The following ASCC1 variants were observed in gnomAD, a reference collection of about 807,000 sequenced individuals.
ASCC1 encodes the protein activating signal cointegrator 1 complex subunit 1.
In ASCC1, 35 loss-of-function variants were observed where a neutral mutation model predicts 46.6. The ratio of observed to expected loss-of-function variants is 0.75; its 90% CI spans 0.57 to 0.99. The LOEUF is 0.99. ASCC1 is among the 50% of genes least tolerant of loss of function. The pLI is 0.00. For missense variants in ASCC1, 376 were observed against 428.7 expected (o/e 0.88, Z 1.09); for synonymous variants, 143 against 146.6 (o/e 0.98, Z 0.18).
At chr10:72,121,510 G>A (rs1844197538) in intron 9 of ASCC1, among the ~76,000 whole-genome samples, 1 of 145,070 alleles carries the variant, frequency 6.9e-6, no homozygotes, top group African/African-American at 2.8e-5. Flanking sequence ...CAGCATAGAT[G>A]GGTTCTTAAA....
rs147259755 is a variant in ASCC1 at position 72,138,896 on chromosome 10, C to T, written c.747-5715G>A. On this transcript the variant is annotated intron_variant, in intron 7 of 9. Coordinates refer to ENST00000672957, the MANE Select transcript of ASCC1 (RefSeq NM_001198800.3). ...TGTTTTCAATTCACTGTGCACTCCA[C>T]GAAGACTGGCTATTTGTCTTATTCA... Among the ~76,000 whole-genome samples, 633 of 151,938 alleles carry T rather than the reference C, an allele frequency of 4.2e-3. 10 individuals are homozygous for T. Among genetic ancestry groups the T allele is most frequent in the African/African-American group, 0.014 (568 of 41,484 alleles).
rs7074184 is a variant in ASCC1 at position 72,114,711 on chromosome 10, T to C, written c.957+13371A>G. 8.2e-3 allele frequency among the ~76,000 whole-genome samples: 1,253 copies of C among 152,220 alleles called. 8 individuals carry two copies. The highest frequency in any genetic ancestry group is 0.02 in the Middle Eastern group (6 of 294). Reference sequence around the variant, plus strand: ...CAATAGGATTGACTGTTGTTAACTATATCTTTATGACATAATTAGTTTATC... The same window carrying C: ...CAATAGGATTGACTGTTGTTAACTACATCTTTATGACATAATTAGTTTATC... On this transcript the variant is annotated intron_variant, in intron 9 of 9. Coordinates refer to ENST00000672957, the MANE Select transcript of ASCC1 (RefSeq NM_001198800.3).
chr10:72,133,131 A>G lies in ASCC1; in HGVS notation c.797T>C (p.Leu266Pro). The change falls in exon 8 of 10, where the codon CTA becomes CCA. Residue 266 changes from leucine (L) to proline (P), a missense_variant. By Grantham distance (98) the Leu-to-Pro change is moderately conservative. Coordinates refer to ENST00000672957, the MANE Select transcript of ASCC1 (RefSeq NM_001198800.3). ...CACACTATTCCACTCTTTCACTATT[A>G]GTCCAGATGCCTGAAAACGTTCCAG... ...RVLERFQASG[L>P]IVKEWNSVKL... is the part of the protein sequence containing the mutation. 1 of 1,614,030 alleles carries G rather than the reference A, an allele frequency of 6.2e-7. No individual in the cohort carries two copies. The highest frequency in any genetic ancestry group is 1.7e-5 in the Admixed American group (1 of 60,032).
Position 72,196,934 on chromosome 10 carries a change from A to AAC in ASCC1, c.364_365dup (p.Leu123PhefsTer30). 1 of 1,613,752 alleles carries AAC rather than the reference A, an allele frequency of 6.2e-7. No homozygotes were observed. On this transcript the variant is annotated frameshift_variant, in exon 5 of 10. Transcript: ENST00000672957. LOFTEE classifies it high-confidence loss of function. ...GCTTTCTTCGAAAAGTGTCCAAAAG[A>AAC]ACATCAATCCGTGTTCGGGCTGAAA...
chr10:72,202,480 A>AG (rs1209154641), intron 4 of ASCC1, among the ~76,000 whole-genome samples: 1 of 151,920 alleles, frequency 6.6e-6, no homozygotes, highest in African/African-American at 2.4e-5. Context: ...AAAAAAAAAA[A>AG]AAATTCCATC....
chr10:72,191,832 G>A (rs1854557272), intron 5 of ASCC1, among the ~76,000 whole-genome samples: 1 of 151,752 alleles, frequency 6.6e-6, no homozygotes, highest in Non-Finnish European at 1.5e-5. Context: ...ATTTTTAGTA[G>A]AGACGGGGCT....
chr10:72,101,117 C>T (rs2099636474), intron 9 of ASCC1, among the ~76,000 whole-genome samples: 1 of 152,136 alleles, frequency 6.6e-6, no homozygotes. Flanking sequence ...TATGCATTTT[C>T]ATGCAAAGAG....
intron 7 of ASCC1, among the ~76,000 whole-genome samples, chr10:72,136,166 G>A (rs1367864757): frequency 6.6e-6 from 1 of 152,190 alleles, no homozygotes; most frequent in Admixed American, 6.5e-5. Flanking sequence ...GGGACTACAA[G>A]TAAATGCCAC....
At chr10:72,128,308 G>T in intron 8 of ASCC1, 141 bp from the exon 9 acceptor site, 1 of 716,354 alleles carries the variant, frequency 1.4e-6, no homozygotes, top group East Asian at 2.7e-5. Flanking sequence ...AAAATGTCAG[G>T]CTATGAATCA....
chr10:72,165,118 TTTTC>T (rs2132737645), intron 5 of ASCC1, among the ~76,000 whole-genome samples: 1 of 152,120 alleles, frequency 6.6e-6, no homozygotes, highest in East Asian at 1.9e-4. Flanking sequence ...TTGAAACTCT[TTTTC>T]TTTTTTTTTG....
intron 5 of ASCC1, among the ~76,000 whole-genome samples, chr10:72,191,486 G>GA (rs1050499627): frequency 1.3e-5 from 2 of 148,290 alleles, no homozygotes; most frequent in South Asian, 2.1e-4. Context: ...TTCTTTAAAA[G>GA]AAAAAAAAAG....
intron 5 of ASCC1, among the ~76,000 whole-genome samples, chr10:72,195,107 G>A (rs1225895422): frequency 2.1e-5 from 3 of 145,966 alleles, no homozygotes; most frequent in Non-Finnish European, 4.5e-5. Context: ...TAGGTTTTGT[G>A]GGTTTTTTAG....
chr10:72,130,911 T>G (rs1314670294), intron 8 of ASCC1, among the ~76,000 whole-genome samples: 1 of 152,154 alleles, frequency 6.6e-6, no homozygotes, highest in East Asian at 1.9e-4. Flanking sequence ...TAGAGTATAC[T>G]CCAGAGTTCT....
At chr10:72,209,108 T>A (rs1310752286) in intron 3 of ASCC1, among the ~76,000 whole-genome samples, 1 of 150,164 alleles carries the variant, frequency 6.7e-6, no homozygotes, top group Non-Finnish European at 1.5e-5. Context: ...AAGGCTACAG[T>A]GAGCCGAGAT....
intron 7 of ASCC1, among the ~76,000 whole-genome samples, chr10:72,151,262 A>G (rs1275668195): frequency 6.6e-6 from 1 of 152,274 alleles, no homozygotes; most frequent in Non-Finnish European, 1.5e-5. Context: ...AATACTATGC[A>G]GCCATAAAAA....
chr10:72,185,042 G>A (rs1489224539), intron 5 of ASCC1, among the ~76,000 whole-genome samples: 1 of 152,082 alleles, frequency 6.6e-6, no homozygotes, highest in Non-Finnish European at 1.5e-5. Flanking sequence ...TCAGCCATGA[G>A]GGAAATGTAT....
intron 6 of ASCC1, among the ~76,000 whole-genome samples, chr10:72,160,406 T>C (rs1849503956): frequency 6.6e-6 from 1 of 152,162 alleles, no homozygotes; most frequent in South Asian, 2.1e-4. Flanking sequence ...AGGAAGAAAG[T>C]AAAGGGAAAT....
At chr10:72,174,376 G>A (rs1021702105) in intron 5 of ASCC1, among the ~76,000 whole-genome samples, 5 of 152,152 alleles carry the variant, frequency 3.3e-5, no homozygotes, top group African/African-American at 1.2e-4. Context: ...TCAAGCTTGG[G>A]GAAAAGGGCA....
intron 9 of ASCC1, among the ~76,000 whole-genome samples, chr10:72,120,035 A>G (rs1844000493): frequency 6.6e-6 from 1 of 152,072 alleles, no homozygotes; most frequent in African/African-American, 2.4e-5. Flanking sequence ...TCAGGAGTTT[A>G]AGACTGGCCT....
Sources: gnomAD v4.1 joint callset for allele counts (sites outside exome capture counted in the v4.1 genomes callset) on GRCh38, gnomAD v4.1.1 for gene constraint, MANE v1.5 for transcripts, NCBI Gene and HGNC (gene_info 2026-07-23, HGNC 2026-07-21) for gene names.